The following DPYD variants were observed in gnomAD, a reference collection of about 807,000 sequenced individuals.
DPYD encodes dihydropyrimidine dehydrogenase.
DPYD carries 109 observed loss-of-function variants against 116.2 expected under a neutral mutation model. That is an observed-to-expected ratio of 0.94 (90% CI 0.80 to 1.10). The LOEUF (loss-of-function observed/expected upper bound fraction) is 1.10. DPYD is among the 50% of genes least tolerant of loss of function. The pLI is 0.00. For missense variants in DPYD, 1,302 were observed against 1,254.5 expected, an observed-to-expected ratio of 1.04 and a Z score of -0.57; for synonymous variants, 440 against 432.0, an observed-to-expected ratio of 1.02 and a Z score of -0.23.
At chr1:97,711,485 C>CT (rs1375381943) in intron 5 of DPYD, among the ~76,000 whole-genome samples, 1 of 151,910 alleles carries the variant, frequency 6.6e-6, no homozygotes, top group African/African-American at 2.4e-5. Context: ...ATGTGCATCA[C>CT]TTTTACACCA....
rs377561235 is a variant in DPYD at position 97,344,532 on chromosome 1, T to C, written c.2058+29029A>G. ...TATGTACATCTTTATATAATACATG[T>C]ATTATTGTTATTTTAACATTCAATT... On this transcript the variant is annotated intron_variant, in intron 16 of 22. Coordinates refer to ENST00000370192, the MANE Select transcript of DPYD (RefSeq NM_000110.4). Among the ~76,000 whole-genome samples, 8 of 151,994 alleles carry C rather than the reference T, an allele frequency of 5.3e-5. No homozygotes were observed. The South Asian group carries it at 1.0e-3, about 20-fold the overall frequency.
chr1:97,824,461 ATT>A (rs1669125536), intron 3 of DPYD, among the ~76,000 whole-genome samples: 1 of 152,206 alleles, frequency 6.6e-6, no homozygotes, highest in African/African-American at 2.4e-5. Flanking sequence ...ACATATAAGT[ATT>A]TAAATTTAAA....
At chr1:97,353,378 T>C (rs549960499) in intron 16 of DPYD, among the ~76,000 whole-genome samples, 3 of 152,218 alleles carry the variant, frequency 2.0e-5, no homozygotes, top group Non-Finnish European at 4.4e-5. Context: ...GCGCTCTGCA[T>C]ATTTAGTGCT....
chr1:97,540,233 G>A (rs954764570), intron 12 of DPYD, among the ~76,000 whole-genome samples: 3 of 149,434 alleles, frequency 2.0e-5, no homozygotes, highest in African/African-American at 7.4e-5. Context: ...TATTTTACCT[G>A]TGCTTCTGAC....
At chr1:97,721,485 G>A (rs751500281) in intron 5 of DPYD, 25 bp downstream of exon 5, 1 of 1,609,868 alleles carries the variant, frequency 6.2e-7, no homozygotes, top group South Asian at 1.1e-5. Context: ...GTAGTGGGGG[G>A]ATGTCACGTG....
chr1:97,546,870 T>A (rs1400409603), intron 12 of DPYD: 1 of 1,609,704 alleles, frequency 6.2e-7, no homozygotes, highest in Non-Finnish European at 8.5e-7. Context: ...CACAGTGGGA[T>A]ACAGCAATAG....
chr1:97,594,711 A>G (rs1353357967), intron 9 of DPYD, among the ~76,000 whole-genome samples: 1 of 152,152 alleles, frequency 6.6e-6, no homozygotes, highest in African/African-American at 2.4e-5. Context: ...CTGCCTGTGT[A>G]GATACAAATC....
intron 3 of DPYD, among the ~76,000 whole-genome samples, chr1:97,770,061 A>G (rs570089806): frequency 6.6e-6 from 1 of 152,334 alleles, no homozygotes; most frequent in South Asian, 2.1e-4. Flanking sequence ...TCTGAGAGGA[A>G]GGGCATTTTG....
At chr1:97,552,842 C>A (rs951409809) in intron 11 of DPYD, among the ~76,000 whole-genome samples, 2 of 151,970 alleles carry the variant, frequency 1.3e-5, no homozygotes, top group African/African-American at 2.4e-5. Context: ...TGGAGACCTT[C>A]AAGTTTAACA....
At chr1:97,723,977 T>C (rs1385214725) in intron 4 of DPYD, among the ~76,000 whole-genome samples, 3 of 151,616 alleles carry the variant, frequency 2.0e-5, no homozygotes, top group Non-Finnish European at 4.4e-5. Context: ...AGGATTTATC[T>C]CAGGAATGCA....
intron 13 of DPYD, among the ~76,000 whole-genome samples, chr1:97,486,007 T>C (rs1386822327): frequency 1.3e-5 from 2 of 152,210 alleles, no homozygotes; most frequent in South Asian, 4.1e-4. Context: ...TGAAGTATGA[T>C]AAAACTACTA....
chr1:97,396,339 A>ATT (rs71311935), intron 14 of DPYD, among the ~76,000 whole-genome samples: 9 of 151,816 alleles, frequency 5.9e-5, no homozygotes, highest in Admixed American at 2.6e-4. Flanking sequence ...ACTTTGAATG[A>ATT]TTTTTTTGTG....
chr1:97,368,114 A>G (rs1671133288), intron 16 of DPYD, among the ~76,000 whole-genome samples: 1 of 152,080 alleles, frequency 6.6e-6, no homozygotes, highest in Non-Finnish European at 1.5e-5. Context: ...ATTGTATGCA[A>G]AAAGGTATAG....
At chr1:97,888,656 T>C (rs899855712) in intron 1 of DPYD, among the ~76,000 whole-genome samples, 1 of 151,008 alleles carries the variant, frequency 6.6e-6, no homozygotes, top group African/African-American at 2.4e-5. Context: ...CATGTAAAAA[T>C]AGTTTCAATA....
chr1:97,640,532 C>T (rs1427425699), intron 8 of DPYD, among the ~76,000 whole-genome samples: 1 of 152,166 alleles, frequency 6.6e-6, no homozygotes, highest in Non-Finnish European at 1.5e-5. Flanking sequence ...TGGTCTCAAA[C>T]TCCTGACTTG....
In DPYD at chr1:97,156,504, G is replaced by A. The variant is rs374042492; in HGVS notation, c.2622+36565C>T. On this transcript the variant is annotated intron_variant, in intron 20 of 22. Coordinates refer to ENST00000370192, the MANE Select transcript of DPYD (RefSeq NM_000110.4). ...AAGAAGACATTTATGCAGCCAAAAA[G>A]CACATGAAAAAATGCTCACCATCAC... Among the ~76,000 whole-genome samples the A allele has an allele frequency of 1.9e-3, 290 of 152,192 alleles. 3 individuals are homozygous for A. Among genetic ancestry groups the A allele is most frequent in the Middle Eastern group, 3.4e-3 (1 of 294 alleles).
At chr1:97,746,499 C>T (rs184889932) in intron 3 of DPYD, among the ~76,000 whole-genome samples, 1 of 152,174 alleles carries the variant, frequency 6.6e-6, no homozygotes, top group African/African-American at 2.4e-5. Flanking sequence ...TCCTATTTTA[C>T]TATACACGAA....
chr1:97,082,941 AG>A (rs1649263554), intron 21 of DPYD, among the ~76,000 whole-genome samples: 1 of 152,154 alleles, frequency 6.6e-6, no homozygotes, highest in South Asian at 2.1e-4. Context: ...TGAGGATTTT[AG>A]ATTTTAATTT....
At chr1:97,306,322 T>C (rs1570474361) in intron 16 of DPYD, 25 bp from the exon 17 acceptor site, 2 of 1,611,550 alleles carry the variant, frequency 1.2e-6, no homozygotes, top group Non-Finnish European at 1.7e-6. Flanking sequence ...CGGTTAAATA[T>C]AGAACAAAAT....
Sources: allele counts gnomAD v4.1 joint callset (sites outside exome capture counted in the v4.1 genomes callset), GRCh38; gene constraint gnomAD v4.1.1; transcripts MANE v1.5; gene names NCBI Gene and HGNC (gene_info 2026-07-23, HGNC 2026-07-21).